Variants in STK17A observed in about 807,000 individuals in gnomAD.
The protein encoded by STK17A is serine/threonine-protein kinase 17A.
Under a neutral mutation model 43.7 loss-of-function variants are expected in STK17A, and 26 were observed. The observed-to-expected ratio is 0.60, with a 90% CI of 0.44 to 0.83. The LOEUF is 0.83. STK17A is among the 40% of genes least tolerant of loss of function. The probability of loss-of-function intolerance (pLI) is 0.00; values close to 1 mark genes in which losing one functional copy is unlikely to be tolerated. For synonymous variants in STK17A, 191 were observed against 182.5 expected (o/e 1.05, Z -0.38); for missense variants, 476 against 511.6 (o/e 0.93, Z 0.67).
chr7:43,598,446 G>A (rs1050527455), intron 2 of STK17A, among the ~76,000 whole-genome samples: 14 of 148,544 alleles, frequency 9.4e-5, no homozygotes, highest in Admixed American at 8.3e-4. Context: ...CTCCAGCCTG[G>A]GTGACACAGC....
At chr7:43,593,728 T>TC (rs1228331785) in intron 1 of STK17A, among the ~76,000 whole-genome samples, 2 of 151,960 alleles carry the variant, frequency 1.3e-5, no homozygotes, top group African/African-American at 2.4e-5. Flanking sequence ...TGTTTTTTTT[T>TC]CTCGTTTTTT....
intron 2 of STK17A, among the ~76,000 whole-genome samples, chr7:43,602,765 TATC>T (rs1171170964): frequency 6.6e-6 from 1 of 152,236 alleles, no homozygotes; most frequent in Non-Finnish European, 1.5e-5. Flanking sequence ...TGGCTTCAGC[TATC>T]ATTTACATGC....
intron 2 of STK17A, among the ~76,000 whole-genome samples, chr7:43,605,079 T>C (rs1481982277): frequency 6.6e-6 from 1 of 152,258 alleles, no homozygotes; most frequent in African/African-American, 2.4e-5. Context: ...CATATTTTAC[T>C]TTAAATCTTT....
chr7:43,624,722 A>G lies in STK17A; in HGVS notation c.1125A>G (p.Ser375=). 6.2e-7 allele frequency: 1 copy of G among 1,614,112 alleles called. No individual in the cohort carries two copies. Among genetic ancestry groups the G allele is most frequent in the Non-Finnish European group, 8.5e-7 (1 of 1,179,986 alleles). ...IVTEELIVVT[S]YTLGQCRQSE... ...CCGAAGAGTTAATTGTAGTTACTTC[A>G]TATACTCTAGGACAATGCAGACAGT... The change falls in exon 7 of 7, where the codon TCA becomes TCG. Residue 375 remains serine (S), a synonymous_variant. Transcript: ENST00000319357.
At chr7:43,610,014 G>A (rs982714402) in intron 3 of STK17A, among the ~76,000 whole-genome samples, 2 of 152,354 alleles carry the variant, frequency 1.3e-5, no homozygotes, top group East Asian at 1.9e-4. Flanking sequence ...AGGGCAAGGC[G>A]AGGCTTAAAC....
At chr7:43,619,522 A>G (rs762832144) in intron 3 of STK17A, 75 bp from the exon 4 acceptor site, 10 of 1,525,184 alleles carry the variant, frequency 6.6e-6, no homozygotes, top group Non-Finnish European at 8.0e-6. Flanking sequence ...TAGGTGAAAT[A>G]TGTTTTATGG....
At chr7:43,593,330 A>G (rs970583890) in intron 1 of STK17A, among the ~76,000 whole-genome samples, 2 of 152,194 alleles carry the variant, frequency 1.3e-5, no homozygotes, top group African/African-American at 4.8e-5. Context: ...TATCTTTGCT[A>G]TTATGAATAG....
chr7:43,610,346 CAAAAAAAAAAAAAAA>C (rs138859141), intron 3 of STK17A, among the ~76,000 whole-genome samples: 1 of 41,314 alleles, frequency 2.4e-5, no homozygotes, highest in Non-Finnish European at 4.0e-5. Context: ...GACTCCGTCT[CAAAAAAAAAAAAAAA>C]AAAAAAAAAA....
Position 43,625,681 on chromosome 7 carries a change from T to G in STK17A, c.*839T>G, listed in dbSNP as rs2084435165. On this transcript the variant is annotated 3_prime_UTR_variant, in exon 7 of 7. Transcript: ENST00000319357. ...GGTATCAGTGTGATCTGATCAACAC[T>G]CTGGTTACCTTGGTCAGTGAAAAGA... 6.6e-6 allele frequency: 1 copy of G among 152,088 alleles called. No individual in the cohort carries two copies. Among genetic ancestry groups the G allele is most frequent in the Admixed American group, 6.6e-5 (1 of 15,254 alleles). 9.4% of individuals were successfully genotyped at this position (152,088 alleles called of 1,614,324 possible). A position where few individuals can be genotyped will look rare whatever the true frequency, so the allele number is the denominator to read the frequency against.
chr7:43,622,538 T>C (rs1425201325), intron 4 of STK17A: 1 of 151,226 alleles, frequency 6.6e-6, no homozygotes, highest in Non-Finnish European at 1.5e-5. Flanking sequence ...AGCCTCCTTA[T>C]TTGTATAGTT....
At chr7:43,616,017 A>G (rs2083307757) in intron 3 of STK17A, among the ~76,000 whole-genome samples, 1 of 152,020 alleles carries the variant, frequency 6.6e-6, no homozygotes, top group Non-Finnish European at 1.5e-5. Flanking sequence ...AGGTGTACTT[A>G]TTTGTCTTAA....
chr7:43,596,863 A>T (rs2082519125), intron 2 of STK17A, among the ~76,000 whole-genome samples: 1 of 103,776 alleles, frequency 9.6e-6, no homozygotes, highest in Non-Finnish European at 2.1e-5. Flanking sequence ...GTGAGACTCC[A>T]TCTCAAAAAA....
At chr7:43,610,602 G>A (rs183337749) in intron 3 of STK17A, among the ~76,000 whole-genome samples, 4 of 152,194 alleles carry the variant, frequency 2.6e-5, no homozygotes, top group Admixed American at 2.6e-4. Context: ...GGGAGGTGGA[G>A]GTTGCAGTGA....
chr7:43,622,584 G>C (rs1308202317), intron 4 of STK17A: 1 of 151,958 alleles, frequency 6.6e-6, no homozygotes, highest in Non-Finnish European at 1.5e-5. Context: ...TGGATTGTGA[G>C]TAGATTTTTT....
At chr7:43,608,936 T>G (rs1043421265) in intron 3 of STK17A, 1 of 152,236 alleles carries the variant, frequency 6.6e-6, no homozygotes, top group Non-Finnish European at 1.5e-5. Context: ...TTAAAGAGAT[T>G]AGAGGCAGGT....
At position 43,619,601 on chromosome 7, in the gene STK17A, A is replaced by G. The variant is rs766676359; in HGVS notation, c.569A>G (p.Gln190Arg). Residue 190 changes from glutamine to arginine, a missense_variant, in exon 4 of 7, where the codon CAG becomes CGG. This residue lies in a region of STK17A where 320 missense variants were observed against 326.3 expected (regional missense o/e 0.98). Transcript: ENST00000319357. ...RDVVHLDLKP[Q>R]NILLTSESPL... ...CGGGGGTGTATTTTCTTTTAGCCTC[A>G]GAATATTCTGTTGACAAGTGAATCT... is the stretch of plus-strand genomic sequence containing the variant. The G allele has an allele frequency of 1.9e-6, 3 of 1,612,716 alleles. No homozygotes were observed. Among genetic ancestry groups the G allele is most frequent in the African/African-American group, 2.7e-5 (2 of 74,884 alleles).
intron 1 of STK17A, among the ~76,000 whole-genome samples, chr7:43,593,272 C>A (rs866542671): frequency 3.3e-5 from 5 of 152,214 alleles, no homozygotes; most frequent in Admixed American, 6.5e-5. Flanking sequence ...GATACATATA[C>A]ACACCATATT....
chr7:43,617,870 A>G (rs2083488476), intron 3 of STK17A, among the ~76,000 whole-genome samples: 2 of 152,192 alleles, frequency 1.3e-5, no homozygotes, highest in African/African-American at 4.8e-5. Context: ...AGGAGATGGA[A>G]GACACAGCCA....
At chr7:43,586,997 A>T (rs1403049290) in intron 1 of STK17A, among the ~76,000 whole-genome samples, 1 of 151,378 alleles carries the variant, frequency 6.6e-6, no homozygotes, top group African/African-American at 2.4e-5. Flanking sequence ...AGACAGATTT[A>T]AAAGTCTTGT....
Sources: allele counts gnomAD v4.1 joint callset (sites outside exome capture counted in the v4.1 genomes callset), GRCh38; gene constraint gnomAD v4.1.1; regional missense constraint gnomAD v4.1.1; transcripts MANE v1.5; gene names NCBI Gene and HGNC (gene_info 2026-07-23, HGNC 2026-07-21).